The following FAM222A variants were observed in gnomAD, a reference collection of about 807,000 sequenced individuals.
The protein encoded by FAM222A is protein FAM222A.
In FAM222A, 7 loss-of-function variants were observed where a neutral mutation model predicts 25.8. The ratio of observed to expected loss-of-function variants is 0.27; its 90% CI spans 0.15 to 0.51. FAM222A has a LOEUF of 0.51. Ranked by LOEUF, FAM222A falls within the 20% of genes least tolerant of loss-of-function variation. The probability of loss-of-function intolerance (pLI) is 0.97; values close to 1 mark genes in which losing one functional copy is unlikely to be tolerated. For synonymous variants in FAM222A, 294 were observed against 298.8 expected (o/e 0.98, Z 0.17); for missense variants, 573 against 640.5 (o/e 0.89, Z 1.14).
intron 2 of FAM222A, among the ~76,000 whole-genome samples, chr12:109,755,283 TCTTC>T (rs1199250092): frequency 8.1e-6 from 1 of 122,970 alleles, no homozygotes; most frequent in East Asian, 2.3e-4. Flanking sequence ...GGTCTGTAAT[TCTTC>T]TTTTTTTTTT....
intron 1 of FAM222A, among the ~76,000 whole-genome samples, chr12:109,717,839 C>G (rs925597324): frequency 6.6e-6 from 1 of 152,236 alleles, no homozygotes; most frequent in Non-Finnish European, 1.5e-5. Flanking sequence ...CCTGTCCCTT[C>G]TGAGCCTTAG....
intron 1 of FAM222A, among the ~76,000 whole-genome samples, chr12:109,742,459 G>A (rs1008147496): frequency 6.6e-6 from 1 of 152,214 alleles, no homozygotes; most frequent in Non-Finnish European, 1.5e-5. Context: ...CTGCCTGATT[G>A]TAATGGCCTA....
At position 109,769,088 on chromosome 12, in the gene FAM222A, G is replaced by A; in HGVS notation, c.1159G>A (p.Ala387Thr). The A allele has an allele frequency of 6.2e-7, 1 of 1,605,990 alleles. No individual in the cohort carries two copies. Among genetic ancestry groups the A allele is most frequent in the South Asian group, 1.1e-5 (1 of 90,066 alleles). ...ARELAGPPAD[A>T]LSGLPSKSVC... ...GGAGCTGGCTGGGCCCCCTGCAGAT[G>A]CCCTCTCGGGCCTGCCCAGCAAGAG... Residue 387 changes from alanine to threonine, a missense_variant, in exon 3 of 3, where the codon GCC becomes ACC. By Grantham distance (58) the Ala-to-Thr change is moderately conservative (BLOSUM62 0). Around this residue, in one of 3 missense-constraint regions of FAM222A, gnomAD observed 412 missense variants for 407.0 expected, o/e 1.01. Coordinates refer to ENST00000538780, the MANE Select transcript of FAM222A (RefSeq NM_032829.3).
intron 1 of FAM222A, among the ~76,000 whole-genome samples, chr12:109,740,458 GC>G (rs1566190019): frequency 6.6e-6 from 1 of 152,154 alleles, no homozygotes; most frequent in Non-Finnish European, 1.5e-5. Flanking sequence ...AATGAACAGT[GC>G]TCCCTGGATG....
chr12:109,740,299 G>A (rs536481083), intron 1 of FAM222A, among the ~76,000 whole-genome samples: 4 of 152,238 alleles, frequency 2.6e-5, no homozygotes, highest in Admixed American at 6.5e-5. Flanking sequence ...GAGATAAGGC[G>A]TCTTATCAGC....
At chr12:109,756,635 A>T (rs1386416207) in intron 2 of FAM222A, among the ~76,000 whole-genome samples, 1 of 152,216 alleles carries the variant, frequency 6.6e-6, no homozygotes, top group Non-Finnish European at 1.5e-5. Context: ...TCCTTCTGTC[A>T]ATATGGTATT....
chr12:109,732,607 TCA>T (rs1732094268), intron 1 of FAM222A, among the ~76,000 whole-genome samples: 1 of 152,236 alleles, frequency 6.6e-6, no homozygotes, highest in African/African-American at 2.4e-5. Flanking sequence ...CTTTGTGCTG[TCA>T]CAGCCGTTTT....
At chr12:109,757,051 G>T (rs1468566627) in intron 2 of FAM222A, among the ~76,000 whole-genome samples, 1 of 152,122 alleles carries the variant, frequency 6.6e-6, no homozygotes, top group Non-Finnish European at 1.5e-5. Context: ...AATTTCTCAA[G>T]TTAGTCTTGG....
intron 2 of FAM222A, among the ~76,000 whole-genome samples, chr12:109,764,723 G>A (rs1888994488): frequency 6.6e-6 from 1 of 152,172 alleles, no homozygotes; most frequent in Admixed American, 6.5e-5. Flanking sequence ...TTGCATAAAA[G>A]TGACATTTTT....
intron 1 of FAM222A, among the ~76,000 whole-genome samples, chr12:109,721,002 A>G (rs967995973): frequency 2.6e-5 from 4 of 152,190 alleles, no homozygotes; most frequent in Non-Finnish European, 4.4e-5. Flanking sequence ...GGCACTTGTA[A>G]TTGAATACTT....
intron 2 of FAM222A, among the ~76,000 whole-genome samples, chr12:109,759,578 C>T (rs985547397): frequency 4.6e-5 from 7 of 152,256 alleles, no homozygotes; most frequent in Non-Finnish European, 1.0e-4. Flanking sequence ...AGGCCCATAA[C>T]ATTAACTTAA....
At chr12:109,759,940 G>A (rs1859180341) in intron 2 of FAM222A, among the ~76,000 whole-genome samples, 1 of 152,220 alleles carries the variant, frequency 6.6e-6, no homozygotes, top group Non-Finnish European at 1.5e-5. Flanking sequence ...GAGAAAAGTA[G>A]ACCGACAGCT....
At chr12:109,735,703 A>G (rs911006225) in intron 1 of FAM222A, 4 of 152,150 alleles carry the variant, frequency 2.6e-5, no homozygotes, top group African/African-American at 9.7e-5. Context: ...GAGAGATTCT[A>G]TGACCACTTC....
chr12:109,743,924 A>C, intron 1 of FAM222A, 177 bp from the exon 2 acceptor site: 1 of 985,410 alleles, frequency 1.0e-6, no homozygotes, highest in East Asian at 1.1e-4. Context: ...GAGGCCACAG[A>C]TGGGCCTCTT....
intron 1 of FAM222A, chr12:109,720,234 G>A: frequency 2.1e-6 from 2 of 971,760 alleles, no homozygotes; most frequent in Non-Finnish European, 2.4e-6. Flanking sequence ...GGGGACAAAG[G>A]CCTGGGAGGT....
chr12:109,746,647 A>G (rs1888406141), intron 2 of FAM222A, among the ~76,000 whole-genome samples: 1 of 152,230 alleles, frequency 6.6e-6, no homozygotes, highest in African/African-American at 2.4e-5. Context: ...TAATTCATAT[A>G]CCATTCACCA....
At chr12:109,715,085 G>A (rs1887617704) in intron 1 of FAM222A, among the ~76,000 whole-genome samples, 188 bp downstream of exon 1, 3 of 152,198 alleles carry the variant, frequency 2.0e-5, no homozygotes, top group Admixed American at 2.0e-4. Flanking sequence ...TGGAGGTTGG[G>A]GGGCCCATTC....
At position 109,769,727 on chromosome 12, in the gene FAM222A, C is replaced by T. The variant is rs115059906; in HGVS notation, c.*439C>T. ...GGGGTCAGGCAGCTGTGTCTCCCCA[C>T]ACTGGCTCCCCAGTATTCTGGAAAA... is the stretch of plus-strand genomic sequence containing the variant. On this transcript the variant is annotated 3_prime_UTR_variant, in exon 3 of 3. Transcript: ENST00000538780. 3,391 of 191,110 alleles carry T rather than the reference C, an allele frequency of 0.018. 49 individuals are homozygous for T. Among genetic ancestry groups the T allele is most frequent in the African/African-American group, 0.046 (1,944 of 42,482 alleles). 11.8% of individuals were successfully genotyped at this position (191,110 alleles called of 1,614,324 possible). A position where few individuals can be genotyped will look rare whatever the true frequency, so the allele number is the denominator to read the frequency against.
At chr12:109,728,253 C>G (rs1887879053) in intron 1 of FAM222A, among the ~76,000 whole-genome samples, 2 of 152,166 alleles carry the variant, frequency 1.3e-5, no homozygotes, top group Non-Finnish European at 2.9e-5. Flanking sequence ...GACTGTCCCA[C>G]TGGGTCCCTG....
Sources: allele counts gnomAD v4.1 joint callset (sites outside exome capture counted in the v4.1 genomes callset), GRCh38; gene constraint gnomAD v4.1.1; regional missense constraint gnomAD v4.1.1; transcripts MANE v1.5; gene names NCBI Gene and HGNC (gene_info 2026-07-23, HGNC 2026-07-21).